Variants in PHLPP1 observed in about 807,000 individuals in gnomAD.
PHLPP1 encodes PH domain and leucine rich repeat protein phosphatase 1.
PHLPP1 carries 42 observed loss-of-function variants against 117.2 expected under a neutral mutation model. That is an observed-to-expected ratio of 0.36 (90% confidence interval 0.28 to 0.46). The LOEUF (loss-of-function observed/expected upper bound fraction) is 0.46, where lower values mean the gene tolerates loss of function less well. Ranked by LOEUF, PHLPP1 falls within the 20% of genes least tolerant of loss-of-function variation. The pLI, the probability that PHLPP1 is intolerant of heterozygous loss-of-function variation, is 1.00. For synonymous variants in PHLPP1, 1,042 were observed against 970.7 expected, an observed-to-expected ratio of 1.07 and a Z score of -1.37; for missense variants, 2,084 against 2,241.9, an observed-to-expected ratio of 0.93 and a Z score of 1.42.
intron 4 of PHLPP1, among the ~76,000 whole-genome samples, chr18:62,873,662 T>C (rs1385787341): frequency 6.6e-6 from 1 of 152,196 alleles, no homozygotes; most frequent in Non-Finnish European, 1.5e-5. Context: ...AGCACTATAA[T>C]TTCAGTAGAA....
chr18:62,751,044 C>CA (rs999198241), intron 1 of PHLPP1, among the ~76,000 whole-genome samples: 35 of 152,212 alleles, frequency 2.3e-4, no homozygotes, highest in African/African-American at 8.4e-4. Context: ...CCAACACCAA[C>CA]AAAAAAGCAG....
intron 3 of PHLPP1, among the ~76,000 whole-genome samples, chr18:62,857,246 TCATC>T (rs1915523894): frequency 2.0e-5 from 3 of 152,026 alleles, no homozygotes; most frequent in Admixed American, 2.0e-4. Context: ...ATATAACTAT[TCATC>T]CATCTAATAT....
At position 62,892,792 on chromosome 18, in the gene PHLPP1, C is replaced by T. The variant is rs941589411; in HGVS notation, c.2067-2219C>T. Among the ~76,000 whole-genome samples the T allele has an allele frequency of 4.0e-5, 6 of 149,944 alleles. No individual in the cohort carries two copies. The South Asian group carries it at 6.4e-4, about 16-fold the overall frequency. On this transcript the variant is annotated intron_variant, in intron 4 of 16. Transcript: ENST00000262719. ...TTGGGAGGCTGAGGCAGGAGAACAG[C>T]GTGAACCCAGGAGGCGGAGCTTGCA...
chr18:62,801,041 CTCCCTCCCTCCCTCCCTCCCTCCCTCCT>C (rs1568121344), intron 1 of PHLPP1, among the ~76,000 whole-genome samples: 1 of 86,800 alleles, frequency 1.2e-5, no homozygotes, highest in Non-Finnish European at 2.4e-5. Context: ...CCCTCCCTCC[CTCCCTCCCTCCCTCCCTCCCTCCCTCCT>C]TCCCTTTCTT....
chr18:62,809,915 T>C (rs1914062765), intron 1 of PHLPP1, among the ~76,000 whole-genome samples: 2 of 152,246 alleles, frequency 1.3e-5, no homozygotes, highest in Admixed American at 6.5e-5. Flanking sequence ...GTTTATTTAA[T>C]TGGTGGATAC....
intron 3 of PHLPP1, among the ~76,000 whole-genome samples, chr18:62,858,355 T>G (rs1024757287): frequency 6.6e-6 from 1 of 151,146 alleles, no homozygotes. Flanking sequence ...CTCTGCCTCG[T>G]GGGTTCAAGC....
At chr18:62,829,717 A>C (rs1350711814) in intron 1 of PHLPP1, among the ~76,000 whole-genome samples, 1 of 152,144 alleles carries the variant, frequency 6.6e-6, no homozygotes, top group East Asian at 1.9e-4. Context: ...GCGCCACTGC[A>C]CTCCAGCCTG....
chr18:62,968,242 T>A (rs1441877373), intron 14 of PHLPP1, among the ~76,000 whole-genome samples: 1 of 152,226 alleles, frequency 6.6e-6, no homozygotes, highest in Non-Finnish European at 1.5e-5. Context: ...GGGTTTGGTA[T>A]CAGGGTAATG....
chr18:62,874,872 A>AT (rs1282421000), intron 4 of PHLPP1, among the ~76,000 whole-genome samples: 2 of 152,220 alleles, frequency 1.3e-5, no homozygotes, highest in Non-Finnish European at 2.9e-5. Context: ...TTTTTTCCTC[A>AT]TTAACATTAT....
chr18:62,959,998 G>A (rs563632701), intron 13 of PHLPP1, among the ~76,000 whole-genome samples: 3 of 152,126 alleles, frequency 2.0e-5, no homozygotes, highest in South Asian at 4.1e-4. Context: ...AAAAAAAATG[G>A]CCTACGTGAT....
chr18:62,870,729 C>G (rs896940739), intron 4 of PHLPP1, among the ~76,000 whole-genome samples: 56 of 152,122 alleles, frequency 3.7e-4, no homozygotes, highest in Admixed American at 3.7e-3. Context: ...AAATTTTTAC[C>G]TTTAACAAAT....
In PHLPP1 at chr18:62,782,770, A is replaced by G. The variant is rs1913154650; in HGVS notation, c.1577-47265A>G. 2.0e-5 allele frequency among the ~76,000 whole-genome samples: 3 copies of G among 152,312 alleles called. No individual in the cohort carries two copies. In the South Asian group the frequency reaches 6.2e-4, roughly 32 times the overall value. On this transcript the variant is annotated intron_variant, in intron 1 of 16. Coordinates refer to ENST00000262719, the MANE Select transcript of PHLPP1 (RefSeq NM_194449.4). ...TGTAAATTATTTGAGGGAAGGAGAAATAACAAGGGGTAGTGACTCTTGGCG... is the reference window on the plus strand; with the variant it reads ...TGTAAATTATTTGAGGGAAGGAGAAGTAACAAGGGGTAGTGACTCTTGGCG...
At chr18:62,769,923 C>CTT (rs1384935368) in intron 1 of PHLPP1, among the ~76,000 whole-genome samples, 1 of 152,118 alleles carries the variant, frequency 6.6e-6, no homozygotes, top group Admixed American at 6.5e-5. Flanking sequence ...AAATGCCATG[C>CTT]TTGAAGAACT....
chr18:62,976,608 C>T (rs986558327), intron 16 of PHLPP1, among the ~76,000 whole-genome samples: 5 of 152,218 alleles, frequency 3.3e-5, no homozygotes, highest in Non-Finnish European at 7.3e-5. Context: ...TGTCTACCAT[C>T]CATGTGCATC....
chr18:62,727,407 G>A (rs1470563644), intron 1 of PHLPP1, among the ~76,000 whole-genome samples: 1 of 151,870 alleles, frequency 6.6e-6, no homozygotes, highest in East Asian at 1.9e-4. Context: ...TGAGGAGTTC[G>A]AGACCAGCCT....
intron 13 of PHLPP1, among the ~76,000 whole-genome samples, chr18:62,961,877 A>G (rs1010427556): frequency 6.6e-6 from 1 of 152,238 alleles, no homozygotes; most frequent in Non-Finnish European, 1.5e-5. Flanking sequence ...CTTTAACCAT[A>G]TATTTTTAAA....
chr18:62,915,924 C>T (rs1909257016), intron 9 of PHLPP1, among the ~76,000 whole-genome samples: 1 of 152,214 alleles, frequency 6.6e-6, no homozygotes, highest in Non-Finnish European at 1.5e-5. Context: ...CCACCATTCT[C>T]AGCCAGTCAC....
chr18:62,793,009 T>C (rs1913509083), intron 1 of PHLPP1, among the ~76,000 whole-genome samples: 1 of 151,314 alleles, frequency 6.6e-6, no homozygotes, highest in South Asian at 2.1e-4. Context: ...ACCCTGTCTC[T>C]ACTAAAAATA....
chr18:62,883,714 T>A lies in PHLPP1; in HGVS notation c.2067-11297T>A, dbSNP rs143282603. Among the ~76,000 whole-genome samples, 8 of 152,300 alleles carry A rather than the reference T, an allele frequency of 5.3e-5. No individual in the cohort carries two copies. The East Asian group carries it at 1.5e-3, about 29-fold the overall frequency. On this transcript the variant is annotated intron_variant, in intron 4 of 16. Transcript: ENST00000262719. ...ATTCACAGTCCCTTATTAAAACTCT[T>A]GAGGACAATTGTGTTTTCAGATTAA... is the stretch of plus-strand genomic sequence containing the variant.
Sources: allele counts gnomAD v4.1 joint callset (sites outside exome capture counted in the v4.1 genomes callset), GRCh38; gene constraint gnomAD v4.1.1; transcripts MANE v1.5; gene names NCBI Gene and HGNC (gene_info 2026-07-23, HGNC 2026-07-21).